ANKRD52: variants seen among roughly 807,000 people sequenced by gnomAD.
ANKRD52 encodes serine/threonine-protein phosphatase 6 regulatory ankyrin repeat subunit C.
ANKRD52 carries 7 observed loss-of-function variants against 116.0 expected under a neutral mutation model. That is an observed-to-expected ratio of 0.06 (90% CI 0.03 to 0.11). The LOEUF is 0.11. ANKRD52 is among the 10% of genes least tolerant of loss of function. The probability of loss-of-function intolerance (pLI) is 1.00; values close to 1 mark genes in which losing one functional copy is unlikely to be tolerated. For missense variants in ANKRD52, 839 were observed against 1,408.6 expected (o/e 0.60, Z 6.47); for synonymous variants, 528 against 578.1 (o/e 0.91, Z 1.24).
intron 20 of ANKRD52, among the ~76,000 whole-genome samples, chr12:56,246,678 T>C (rs946268318): frequency 4.6e-5 from 7 of 151,984 alleles, no homozygotes; most frequent in Non-Finnish European, 1.0e-4. Flanking sequence ...TCCCAACCCT[T>C]TGGGAGGCCA....
chr12:56,254,386 C>T lies in ANKRD52; in HGVS notation c.694-107G>A, dbSNP rs929701991. The T allele has an allele frequency of 8.9e-6, 13 of 1,457,504 alleles. No individual in the cohort carries two copies. Among genetic ancestry groups the T allele is most frequent in the African/African-American group, 1.4e-5 (1 of 71,670 alleles). The allele number at this position is 1,457,504 out of a possible 1,614,324, so 90.3% of individuals were successfully genotyped here. A position where few individuals can be genotyped will look rare whatever the true frequency, so the allele number is the denominator to read the frequency against. On this transcript the variant is annotated intron_variant, in intron 7 of 27. Coordinates refer to ENST00000267116, the MANE Select transcript of ANKRD52 (RefSeq NM_173595.4). The surrounding 1 kb of genome is among the most constrained non-coding windows in gnomAD (Gnocchi z 4.6). ...ATCCAACGACTGCCTCATTTCCTCT[C>T]GGGTTTATGACCCAAGGTACTAAGG...
In ANKRD52 at chr12:56,244,432, A is replaced by T. The variant is rs1256447907; in HGVS notation, c.2726T>A (p.Phe909Tyr). 3 of 1,613,974 alleles carry T rather than the reference A, an allele frequency of 1.9e-6. No homozygotes were observed. Among genetic ancestry groups the T allele is most frequent in the Non-Finnish European group, 2.5e-6 (3 of 1,179,880 alleles). ...AENGQTAAVE[F>Y]LLYRGKADLT... ...GTCTGCCTTCCCTCGATACAGCAGAAATTCTACGAGAGAAATGTGATAGAG... is the reference window on the plus strand; with the variant it reads ...GTCTGCCTTCCCTCGATACAGCAGATATTCTACGAGAGAAATGTGATAGAG... Residue 909 changes from phenylalanine (F) to tyrosine (Y), a missense_variant, in exon 25 of 28, where the codon TTT (phenylalanine) becomes TAT (tyrosine). This residue lies in a region of ANKRD52 where 552 missense variants were observed against 810.6 expected (regional missense o/e 0.68). Transcript: ENST00000267116. This position sits in a 1 kb window ranked among gnomAD's most constrained non-coding sequence, Gnocchi z 4.9.
chr12:56,252,167 A>T lies in ANKRD52; in HGVS notation c.1511+8T>A, dbSNP rs777520096. On this transcript the variant is annotated splice_region_variant and intron_variant, in intron 14 of 27. Coordinates refer to ENST00000267116, the MANE Select transcript of ANKRD52 (RefSeq NM_173595.4). This position sits in a 1 kb window ranked among gnomAD's most constrained non-coding sequence, Gnocchi z 4.7. ...TGGGGCTGAGAAGGACCAGACTGGT[A>T]GCCTCACCTCCTGTAAGTGTCAGAA... 2 of 1,613,960 alleles carry T rather than the reference A, an allele frequency of 1.2e-6. No homozygotes were observed. The highest frequency in any genetic ancestry group is 2.2e-5 in the South Asian group (2 of 91,084).
In ANKRD52 at chr12:56,237,906, G is replaced by A; in HGVS notation, c.*5236C>T. ...AGCATAGAAAACCAGAGTGTGGTGG[G>A]AGGACCCGAAGCCGGTTGGGGGAGG... On this transcript the variant is annotated 3_prime_UTR_variant, in exon 28 of 28. Coordinates refer to ENST00000267116, the MANE Select transcript of ANKRD52 (RefSeq NM_173595.4). 1.2e-6 allele frequency: 1 copy of A among 825,618 alleles called. No homozygotes were observed. Among genetic ancestry groups the A allele is most frequent in the African/African-American group, 1.8e-5 (1 of 56,550 alleles). The allele number at this position is 825,618 out of a possible 1,614,324, so 51.1% of individuals were successfully genotyped here. A position where few individuals can be genotyped will look rare whatever the true frequency, so the allele number is the denominator to read the frequency against.
At position 56,245,516 on chromosome 12, in the gene ANKRD52, G is replaced by A; in HGVS notation, c.2265C>T (p.Arg755=). 1 of 1,611,870 alleles carries A rather than the reference G, an allele frequency of 6.2e-7. No homozygotes were observed. The highest frequency in any genetic ancestry group is 8.5e-7 in the Non-Finnish European group (1 of 1,179,090). The change falls in exon 21 of 28, where the codon CGC becomes CGT. Residue 755 remains arginine (R), a synonymous_variant. Transcript: ENST00000267116. The stretch of plus-strand genomic sequence containing the variant: ...AGGCTGAGGCCAGGTGAATGGGCGT[G>A]CGGCCCTTAAAGTCTCGGCACAGCA... ...AFVLCRDFKG[R]TPIHLASACG...
Position 56,244,802 on chromosome 12 carries a change from A to G in ANKRD52, c.2577-5T>C. The G allele has an allele frequency of 6.2e-7, 1 of 1,613,854 alleles. No homozygotes were observed. Among genetic ancestry groups the G allele is most frequent in the Non-Finnish European group, 8.5e-7 (1 of 1,179,886 alleles). ...GCAGCGGCGTGAAGGGGGGTCCTGT[A>G]AGGCAGGGATCAGGGTAGATTAAAA... On this transcript the variant is annotated splice_region_variant and splice_polypyrimidine_tract_variant and intron_variant, in intron 23 of 27. Coordinates refer to ENST00000267116, the MANE Select transcript of ANKRD52 (RefSeq NM_173595.4). This position sits in a 1 kb window ranked among gnomAD's most constrained non-coding sequence, Gnocchi z 4.9.
Position 56,255,113 on chromosome 12 carries a change from T to A in ANKRD52, c.463-161A>T. On this transcript the variant is annotated intron_variant, in intron 5 of 27. Coordinates refer to ENST00000267116, the MANE Select transcript of ANKRD52 (RefSeq NM_173595.4). This position sits in a 1 kb window ranked among gnomAD's most constrained non-coding sequence, Gnocchi z 4.3. ...TCGAGGGAACAGCAGAAGCAGGCAC[T>A]AAGGAGGAGATACTGGAGAGATTTG... 1 of 599,932 alleles carries A rather than the reference T, an allele frequency of 1.7e-6. No homozygotes were observed. Among genetic ancestry groups the A allele is most frequent in the South Asian group, 2.2e-5 (1 of 45,944 alleles). 37.2% of individuals were successfully genotyped at this position (599,932 alleles called of 1,614,324 possible). A position where few individuals can be genotyped will look rare whatever the true frequency, so the allele number is the denominator to read the frequency against.
At position 56,245,193 on chromosome 12, in the gene ANKRD52, G is replaced by T. The variant is rs766460992; in HGVS notation, c.2405-3C>A. On this transcript the variant is annotated splice_polypyrimidine_tract_variant and splice_region_variant and intron_variant, in intron 21 of 27. Coordinates refer to ENST00000267116, the MANE Select transcript of ANKRD52 (RefSeq NM_173595.4). ...CAACTCCAGACAATCTTCATGTCCT[G>T]GGCACGAGGAAGGAAGAGTAGTGAT... 6.2e-7 allele frequency: 1 copy of T among 1,613,942 alleles called. No homozygotes were observed. The highest frequency in any genetic ancestry group is 8.5e-7 in the Non-Finnish European group (1 of 1,179,882).
chr12:56,251,362 G>A (rs562193445), intron 15 of ANKRD52, among the ~76,000 whole-genome samples: 37 of 151,568 alleles, frequency 2.4e-4, no homozygotes, highest in East Asian at 1.6e-3. Flanking sequence ...CTCCTGCCTC[G>A]GCCTCCTGAG....
In ANKRD52 at chr12:56,242,811, A is replaced by C; in HGVS notation, c.*331T>G. 4.4e-5 allele frequency: 13 copies of C among 293,720 alleles called. No homozygotes were observed. Among genetic ancestry groups the C allele is most frequent in the East Asian group, 6.4e-5 (1 of 15,732 alleles). The allele number at this position is 293,720 out of a possible 1,614,324, so 18.2% of individuals were successfully genotyped here. On this transcript the variant is annotated 3_prime_UTR_variant, in exon 28 of 28. Transcript: ENST00000267116. The surrounding 1 kb of genome is among the most constrained non-coding windows in gnomAD (Gnocchi z 4.3). ...GGACACAGAGAGGAGTCCCCAGGGA[A>C]GAGTCGGGGGAGCTGGCAGCAGAAA...
In ANKRD52 at chr12:56,253,237, A is replaced by G; in HGVS notation, c.1100+51T>C. On this transcript the variant is annotated intron_variant, in intron 10 of 27. Transcript: ENST00000267116. This position sits in a 1 kb window ranked among gnomAD's most constrained non-coding sequence, Gnocchi z 5.5. ...CTGTGCCTCCATGGTTGATGTGAGC[A>G]GTCTGTGCAGATCTGGGCAGCCCAG... The G allele has an allele frequency of 6.5e-7, 1 of 1,539,184 alleles. No homozygotes were observed. The highest frequency in any genetic ancestry group is 8.9e-7 in the Non-Finnish European group (1 of 1,118,282).
rs1871198329 is a variant in ANKRD52, at chr12:56,242,237, G to A, written c.*905C>T. ...AGGGCTGTGGTTTTGAAATGGGCAG[G>A]AAATTAATTTGTTTCTTCCCCTAAA... On this transcript the variant is annotated 3_prime_UTR_variant, in exon 28 of 28. Coordinates refer to ENST00000267116, the MANE Select transcript of ANKRD52 (RefSeq NM_173595.4). The surrounding 1 kb of genome is among the most constrained non-coding windows in gnomAD (Gnocchi z 4.3). 5.0e-6 allele frequency: 2 copies of A among 398,584 alleles called. No homozygotes were observed. The highest frequency in any genetic ancestry group is 8.8e-6 in the Non-Finnish European group (2 of 226,058). The allele number at this position is 398,584 out of a possible 1,614,324, so 24.7% of individuals were successfully genotyped here. A position where few individuals can be genotyped will look rare whatever the true frequency, so the allele number is the denominator to read the frequency against.
rs1392054900 is a variant in ANKRD52 at position 56,241,191 on chromosome 12, A to C, written c.*1951T>G. The C allele has an allele frequency of 1.3e-5, 2 of 152,192 alleles. No individual in the cohort carries two copies. Among genetic ancestry groups the C allele is most frequent in the Non-Finnish European group, 2.9e-5 (2 of 68,050 alleles). 9.4% of individuals were successfully genotyped at this position (152,192 alleles called of 1,614,324 possible). Reference sequence around the variant, plus strand: ...AGGCCCTTTGGCTTTGAAAATAAAAATAAAAACTAAAAGCTGCACAATCCT... The same window carrying C: ...AGGCCCTTTGGCTTTGAAAATAAAACTAAAAACTAAAAGCTGCACAATCCT... On this transcript the variant is annotated 3_prime_UTR_variant, in exon 28 of 28. Coordinates refer to ENST00000267116, the MANE Select transcript of ANKRD52 (RefSeq NM_173595.4).
In ANKRD52 at chr12:56,245,679, A is replaced by G. The variant is rs532110940; in HGVS notation, c.2185-83T>C. The G allele has an allele frequency of 7.3e-6, 9 of 1,230,736 alleles. No individual in the cohort carries two copies. In the Admixed American group the frequency reaches 1.7e-4, roughly 23 times the overall value. 76.2% of individuals were successfully genotyped at this position (1,230,736 alleles called of 1,614,324 possible). A position where few individuals can be genotyped will look rare whatever the true frequency, so the allele number is the denominator to read the frequency against. On this transcript the variant is annotated intron_variant, in intron 20 of 27. Coordinates refer to ENST00000267116, the MANE Select transcript of ANKRD52 (RefSeq NM_173595.4). Reference sequence around the variant, plus strand: ...GTTGCTGGAGTCTGGCTCAGGAGTAAGAACCACTTCCAGGGCTCCAATCCT... The same window carrying G: ...GTTGCTGGAGTCTGGCTCAGGAGTAGGAACCACTTCCAGGGCTCCAATCCT...
Position 56,248,854 on chromosome 12 carries a change from G to A in ANKRD52, c.1609C>T (p.Leu537=). Residue 537 remains leucine, a synonymous_variant, in exon 16 of 28, where the codon CTG becomes TTG. Transcript: ENST00000267116. This position sits in a 1 kb window ranked among gnomAD's most constrained non-coding sequence, Gnocchi z 5.1. ...AGGGAGGGGTCTGCACCGTTATCCA[G>A]TAAGAACTCCAGACAGCTGGGGAGC... is the stretch of plus-strand genomic sequence containing the variant. ...KEAFFCLEFL[L]DNGADPSLRD... 6.2e-7 allele frequency: 1 copy of A among 1,605,066 alleles called. No homozygotes were observed. The highest frequency in any genetic ancestry group is 8.5e-7 in the Non-Finnish European group (1 of 1,175,636).
Position 56,254,488 on chromosome 12 carries a change from C to A in ANKRD52, c.693+90G>T. 9.1e-6 allele frequency: 14 copies of A among 1,545,472 alleles called. No homozygotes were observed. The South Asian group carries it at 1.3e-4, about 15-fold the overall frequency. On this transcript the variant is annotated intron_variant, in intron 7 of 27. Coordinates refer to ENST00000267116, the MANE Select transcript of ANKRD52 (RefSeq NM_173595.4). The surrounding 1 kb of genome is among the most constrained non-coding windows in gnomAD (Gnocchi z 4.6). ...GTCCTTCCAACTTCCCAAAACTATACCAACATCCCAATACCTCATATCTCC... is the reference window on the plus strand; with the variant it reads ...GTCCTTCCAACTTCCCAAAACTATAACAACATCCCAATACCTCATATCTCC...
rs571577304 is a variant in ANKRD52 at position 56,246,746 on chromosome 12, C to A, written c.2184+747G>T. Among the ~76,000 whole-genome samples the A allele has an allele frequency of 2.4e-4, 37 of 151,446 alleles. No homozygotes were observed. In the South Asian group the frequency reaches 7.8e-3, roughly 32 times the overall value. ...ACTACCCTGGCTAACACGGTGAAAC[C>A]CTGTCTCTACTAAAAATACAAAAAT... On this transcript the variant is annotated intron_variant, in intron 20 of 27. Transcript: ENST00000267116.
chr12:56,251,864 A>G, intron 15 of ANKRD52, 151 bp downstream of exon 15: 1 of 778,754 alleles, frequency 1.3e-6, no homozygotes, highest in East Asian at 2.7e-5. Context: ...CCCACTATGG[A>G]CTACACCCAG....
chr12:56,253,891 A>C lies in ANKRD52; in HGVS notation c.907-91T>G, dbSNP rs1454124179. ...ACCTCCCTTCCAAGGACATATCTCT[A>C]AGGACAAAAGGGTCATATGGCACCT... On this transcript the variant is annotated intron_variant, in intron 8 of 27. Transcript: ENST00000267116. This position sits in a 1 kb window ranked among gnomAD's most constrained non-coding sequence, Gnocchi z 5.5. 1 of 1,444,542 alleles carries C rather than the reference A, an allele frequency of 6.9e-7. No individual in the cohort carries two copies. Among genetic ancestry groups the C allele is most frequent in the Non-Finnish European group, 9.6e-7 (1 of 1,036,814 alleles). 89.5% of individuals were successfully genotyped at this position (1,444,542 alleles called of 1,614,324 possible).
Sources: allele counts gnomAD v4.1 joint callset (sites outside exome capture counted in the v4.1 genomes callset), GRCh38; gene constraint gnomAD v4.1.1; regional missense constraint gnomAD v4.1.1; non-coding constraint Gnocchi (gnomAD v3.1); transcripts MANE v1.5; gene names NCBI Gene and HGNC (gene_info 2026-07-23, HGNC 2026-07-21).